The following HMGCLL1 variants were observed in gnomAD, a reference collection of about 807,000 sequenced individuals.
The protein encoded by HMGCLL1 is 3-hydroxy-3-methylglutaryl-CoA lyase like 1.
In HMGCLL1, 36 loss-of-function variants were observed where a neutral mutation model predicts 39.1. That is an observed-to-expected ratio of 0.92 (90% CI 0.71 to 1.22). The LOEUF is 1.22. Among genes scored for constraint, HMGCLL1 ranks in the 50% most tolerant of loss-of-function variants. The probability of loss-of-function intolerance (pLI) is 0.00; values close to 1 mark genes in which losing one functional copy is unlikely to be tolerated. For synonymous variants in HMGCLL1, 149 were observed against 144.0 expected (o/e 1.03, Z -0.25); for missense variants, 451 against 416.5 (o/e 1.08, Z -0.72).
At chr6:55,538,042 T>C (rs1191801282) in intron 3 of HMGCLL1, among the ~76,000 whole-genome samples, 1 of 152,162 alleles carries the variant, frequency 6.6e-6, no homozygotes, top group Non-Finnish European at 1.5e-5. Flanking sequence ...TAACTAGCTA[T>C]GCAAGAAGTG....
the HMGCLL1 span, among the ~76,000 whole-genome samples, chr6:55,668,102 C>A: frequency 6.6e-6 from 1 of 151,794 alleles, no homozygotes; most frequent in Non-Finnish European, 1.5e-5. Context: ...ACCTATGAGA[C>A]ACTTTCATTT....
the HMGCLL1 span, among the ~76,000 whole-genome samples, chr6:55,646,748 T>C: frequency 3.9e-5 from 6 of 152,164 alleles, no homozygotes; most frequent in Admixed American, 2.6e-4. Flanking sequence ...CCATTCTGGT[T>C]GGAGAAGATA....
At chr6:55,590,900 T>A in the HMGCLL1 span, among the ~76,000 whole-genome samples, 1 of 151,992 alleles carries the variant, frequency 6.6e-6, no homozygotes, top group African/African-American at 2.4e-5. Flanking sequence ...CTTCACTGGA[T>A]ATTTTAACTA....
chr6:55,514,645 T>A (rs1448593271), intron 4 of HMGCLL1, among the ~76,000 whole-genome samples: 1 of 152,126 alleles, frequency 6.6e-6, no homozygotes. Flanking sequence ...TTTTTCCAAT[T>A]CATCATTTAG....
chr6:55,673,738 A>G, the HMGCLL1 span, among the ~76,000 whole-genome samples: 1 of 151,906 alleles, frequency 6.6e-6, no homozygotes, highest in Admixed American at 6.6e-5. Flanking sequence ...TAATTGCAAC[A>G]CTAGTATTAA....
At chr6:55,456,198 G>C (rs1294885491) in intron 7 of HMGCLL1, among the ~76,000 whole-genome samples, 1 of 152,126 alleles carries the variant, frequency 6.6e-6, no homozygotes, top group Non-Finnish European at 1.5e-5. Context: ...TCTCATTGAG[G>C]AGTGCCAAAC....
chr6:55,486,824 A>G (rs1271055239), intron 7 of HMGCLL1, among the ~76,000 whole-genome samples: 1 of 152,058 alleles, frequency 6.6e-6, no homozygotes, highest in Non-Finnish European at 1.5e-5. Context: ...TCACAATTCT[A>G]GCAGTTCTAG....
intron 3 of HMGCLL1, among the ~76,000 whole-genome samples, chr6:55,533,067 C>A (rs1768781032): frequency 6.6e-6 from 1 of 151,210 alleles, no homozygotes; most frequent in African/African-American, 2.4e-5. Flanking sequence ...TGATTAGTAG[C>A]CCCCACTCTT....
At chr6:55,457,278 T>C (rs932494597) in intron 7 of HMGCLL1, among the ~76,000 whole-genome samples, 6 of 152,210 alleles carry the variant, frequency 3.9e-5, no homozygotes, top group Admixed American at 6.6e-5. Context: ...TCTGTCCTTA[T>C]GCCAATTTCA....
At chr6:55,678,752 G>C in the HMGCLL1 span, among the ~76,000 whole-genome samples, 1 of 152,178 alleles carries the variant, frequency 6.6e-6, no homozygotes, top group African/African-American at 2.4e-5. Flanking sequence ...GGTTGTAAGA[G>C]AATTTTAACA....
intron 3 of HMGCLL1, among the ~76,000 whole-genome samples, chr6:55,519,829 G>A (rs983663154): frequency 4.0e-5 from 6 of 151,824 alleles, no homozygotes; most frequent in Non-Finnish European, 1.5e-5. Context: ...ATCATAAAAC[G>A]GAATAATGGG....
At chr6:55,638,768 T>C in the HMGCLL1 span, among the ~76,000 whole-genome samples, 1 of 152,158 alleles carries the variant, frequency 6.6e-6, no homozygotes, top group East Asian at 1.9e-4. Flanking sequence ...CCTAACCTTG[T>C]TTTGTTTTAG....
chr6:55,484,942 C>A, intron 7 of HMGCLL1, among the ~76,000 whole-genome samples: 1 of 152,002 alleles, frequency 6.6e-6, no homozygotes, highest in African/African-American at 2.4e-5. Flanking sequence ...AAAGAAAAAG[C>A]CAAAGGATTT....
the HMGCLL1 span, among the ~76,000 whole-genome samples, chr6:55,627,909 C>CTATATATATAA: frequency 1.8e-3 from 4 of 2,176 alleles, no homozygotes; most frequent in African/African-American, 6.7e-3. Flanking sequence ...AGTATATATA[C>CTATATATATAA]TATATATATA....
chr6:55,607,491 C>T, the HMGCLL1 span, among the ~76,000 whole-genome samples: 4 of 152,154 alleles, frequency 2.6e-5, no homozygotes, highest in Admixed American at 1.3e-4. Context: ...CTTCAGCTGT[C>T]AGTCTCTTCA....
intron 3 of HMGCLL1, among the ~76,000 whole-genome samples, chr6:55,539,178 A>G (rs1769199937): frequency 2.0e-5 from 3 of 152,168 alleles, no homozygotes; most frequent in East Asian, 1.9e-4. Context: ...TACAGTTAAC[A>G]CTAAGAAGGA....
At chr6:55,527,224 G>A (rs1476387159) in intron 3 of HMGCLL1, among the ~76,000 whole-genome samples, 1 of 151,990 alleles carries the variant, frequency 6.6e-6, no homozygotes, top group Admixed American at 6.6e-5. Context: ...ACAGTCTTGT[G>A]GCATATTTTA....
At chr6:55,540,012 G>A (rs1332821798) in intron 3 of HMGCLL1, among the ~76,000 whole-genome samples, 1 of 26,182 alleles carries the variant, frequency 3.8e-5, no homozygotes, top group East Asian at 1.8e-3. Flanking sequence ...GAGGGAGGGA[G>A]GGAGGGAGGG....
chr6:55,585,554 T>C, the HMGCLL1 span, among the ~76,000 whole-genome samples: 6 of 152,138 alleles, frequency 3.9e-5, no homozygotes, highest in Non-Finnish European at 8.8e-5. Context: ...ATTATATCAT[T>C]CTTTGAAACT....
Sources: gnomAD v4.1 joint callset for allele counts (sites outside exome capture counted in the v4.1 genomes callset) on GRCh38, gnomAD v4.1.1 for gene constraint, MANE v1.5 for transcripts, NCBI Gene and HGNC (gene_info 2026-07-23, HGNC 2026-07-21) for gene names.